The following CTNNA3 variants were observed in gnomAD, a reference collection of about 807,000 sequenced individuals.
CTNNA3 encodes catenin alpha 3, also known as catenin alpha-3.
Under a neutral mutation model 95.7 loss-of-function variants are expected in CTNNA3, and 76 were observed. The ratio of observed to expected loss-of-function variants is 0.79; its 90% CI spans 0.66 to 0.96. The LOEUF is 0.96. Among genes scored for constraint, CTNNA3 ranks in the 40% least tolerant of loss-of-function variants. CTNNA3 has a pLI of 0.00. For synonymous variants in CTNNA3, 431 were observed against 374.4 expected, an observed-to-expected ratio of 1.15 and a Z score of -1.74; for missense variants, 1,191 against 1,089.8, an observed-to-expected ratio of 1.09 and a Z score of -1.31.
chr10:66,697,186 T>C (rs923603685), intron 9 of CTNNA3, among the ~76,000 whole-genome samples: 2 of 150,900 alleles, frequency 1.3e-5, no homozygotes, highest in African/African-American at 4.9e-5. Flanking sequence ...CTTTTATTAC[T>C]TTTATTATAG....
At chr10:66,577,108 G>A (rs771876727) in intron 10 of CTNNA3, among the ~76,000 whole-genome samples, 5 of 150,698 alleles carry the variant, frequency 3.3e-5, no homozygotes, top group African/African-American at 4.9e-5. Flanking sequence ...TCACGTATTT[G>A]TTGGCCACAT....
chr10:67,272,676 CA>C (rs1327187550), intron 5 of CTNNA3, among the ~76,000 whole-genome samples: 1 of 152,082 alleles, frequency 6.6e-6, no homozygotes, highest in Non-Finnish European at 1.5e-5. Flanking sequence ...AAATAATGTT[CA>C]AAGAATAGGG....
chr10:65,927,859 A>G (rs998708621), intron 17 of CTNNA3, among the ~76,000 whole-genome samples: 4 of 152,182 alleles, frequency 2.6e-5, no homozygotes, highest in Non-Finnish European at 4.4e-5. Flanking sequence ...CTAACTTCAT[A>G]AGAAATTAAC....
intron 1 of CTNNA3, among the ~76,000 whole-genome samples, chr10:67,751,393 A>G (rs1339976508): frequency 6.6e-6 from 1 of 152,208 alleles, no homozygotes; most frequent in Non-Finnish European, 1.5e-5. Flanking sequence ...TTATTTCTGT[A>G]TGTTCAACTA....
chr10:65,992,995 A>G (rs1156528937), intron 15 of CTNNA3, among the ~76,000 whole-genome samples: 2 of 151,828 alleles, frequency 1.3e-5, no homozygotes, highest in Non-Finnish European at 2.9e-5. Context: ...TTCTTCATTG[A>G]CTTGATGCTT....
chr10:67,762,865 G>C (rs563872187), intron 1 of CTNNA3, among the ~76,000 whole-genome samples: 1 of 152,170 alleles, frequency 6.6e-6, no homozygotes, highest in East Asian at 1.9e-4. Context: ...CTAATTACCG[G>C]TGCATGCAGC....
chr10:66,559,085 C>T (rs1842474617), intron 10 of CTNNA3, among the ~76,000 whole-genome samples: 1 of 152,006 alleles, frequency 6.6e-6, no homozygotes, highest in Admixed American at 6.6e-5. Context: ...ATATCCAACC[C>T]AAATATCTCT....
rs1191201479 is a variant in CTNNA3, at chr10:66,333,915, G to T, written c.1732+45237C>A. 2.0e-5 allele frequency among the ~76,000 whole-genome samples: 3 copies of T among 151,976 alleles called. No homozygotes were observed. The East Asian group carries it at 5.8e-4, about 29-fold the overall frequency. On this transcript the variant is annotated intron_variant, in intron 12 of 17. Transcript: ENST00000433211. ...TTGCTTTATGAATCTGGGTGCTCCT[G>T]TATGTGGTGTATATATATTTAGGAT...
At chr10:67,698,120 G>A (rs988277742), upstream of CTNNA3, among the ~76,000 whole-genome samples, 1 of 151,948 alleles carries the variant, frequency 6.6e-6, no homozygotes, top group East Asian at 1.9e-4. Flanking sequence ...GCCCAGTCTT[G>A]TTCAGTATTT....
chr10:66,682,129 G>T (rs978844789), intron 9 of CTNNA3, among the ~76,000 whole-genome samples: 2 of 152,084 alleles, frequency 1.3e-5, no homozygotes, highest in African/African-American at 4.8e-5. Context: ...CAGCTTTTCA[G>T]CTTTGATACA....
chr10:67,562,397 A>G (rs1330110618), intron 3 of CTNNA3, among the ~76,000 whole-genome samples: 1 of 152,218 alleles, frequency 6.6e-6, no homozygotes, highest in African/African-American at 2.4e-5. Flanking sequence ...CCACATGATT[A>G]TCTTAATAGA....
chr10:67,458,827 G>C (rs1366325888), intron 5 of CTNNA3, among the ~76,000 whole-genome samples: 2 of 152,122 alleles, frequency 1.3e-5, no homozygotes, highest in Non-Finnish European at 2.9e-5. Flanking sequence ...CTTCCCACCA[G>C]GTTCCTCGCT....
At chr10:66,749,225 A>G (rs942426588) in intron 9 of CTNNA3, among the ~76,000 whole-genome samples, 2 of 145,924 alleles carry the variant, frequency 1.4e-5, no homozygotes, top group African/African-American at 5.4e-5. Flanking sequence ...AAAAAAAAAA[A>G]AAAGAAAAGG....
chr10:67,001,180 A>C (rs1851663903), intron 7 of CTNNA3, among the ~76,000 whole-genome samples: 1 of 151,586 alleles, frequency 6.6e-6, no homozygotes, highest in Non-Finnish European at 1.5e-5. Flanking sequence ...GTGTGCCTGT[A>C]ATCCCAGCTA....
chr10:67,279,000 C>T (rs977179689), intron 5 of CTNNA3, among the ~76,000 whole-genome samples: 5 of 152,076 alleles, frequency 3.3e-5, no homozygotes, highest in Non-Finnish European at 5.9e-5. Context: ...GCACAATCAC[C>T]ATTACTTACT....
chr10:67,698,432 G>A (rs1038200367), upstream of CTNNA3, among the ~76,000 whole-genome samples: 1 of 152,194 alleles, frequency 6.6e-6, no homozygotes, highest in African/African-American at 2.4e-5. Context: ...GATTACAGGA[G>A]AGAAGGGAGG....
intron 15 of CTNNA3, among the ~76,000 whole-genome samples, chr10:65,993,610 T>A (rs1376327113): frequency 1.3e-5 from 2 of 152,234 alleles, no homozygotes; most frequent in Non-Finnish European, 2.9e-5. Context: ...TCTTTTTCAA[T>A]CCTTTACTTT....
rs186989189 is a variant in CTNNA3, at chr10:67,049,793, G to A, written c.1047+130524C>T. On this transcript the variant is annotated intron_variant, in intron 7 of 17. Coordinates refer to ENST00000433211, the MANE Select transcript of CTNNA3 (RefSeq NM_013266.4). ...TGTGTAGTAGCACAAATAGAACAAA[G>A]GTCAAAGATTAAATGTAGGTATGTG... Among the ~76,000 whole-genome samples, 493 of 152,018 alleles carry A rather than the reference G, an allele frequency of 3.2e-3. 2 individuals are homozygous for A. Among genetic ancestry groups the A allele is most frequent in the African/African-American group, 0.011 (470 of 41,462 alleles).
intron 9 of CTNNA3, among the ~76,000 whole-genome samples, chr10:66,759,833 G>A (rs1293697444): frequency 6.6e-6 from 1 of 152,076 alleles, no homozygotes; most frequent in Non-Finnish European, 1.5e-5. Flanking sequence ...CTTTTATATT[G>A]ATTATATTGA....
Sources: allele counts gnomAD v4.1 joint callset (sites outside exome capture counted in the v4.1 genomes callset), GRCh38; gene constraint gnomAD v4.1.1; transcripts MANE v1.5; gene names NCBI Gene and HGNC (gene_info 2026-07-23, HGNC 2026-07-21).